The following SEZ6L variants were observed in gnomAD, a reference collection of about 807,000 sequenced individuals.
SEZ6L encodes the protein seizure related 6 homolog like.
SEZ6L carries 37 observed loss-of-function variants against 106.2 expected under a neutral mutation model. The ratio of observed to expected loss-of-function variants is 0.35; its 90% CI spans 0.27 to 0.46. The LOEUF (loss-of-function observed/expected upper bound fraction) is 0.46. Among genes scored for constraint, SEZ6L ranks in the 20% least tolerant of loss-of-function variants. The pLI is 1.00. For synonymous variants in SEZ6L, 541 were observed against 570.4 expected (o/e 0.95, Z 0.73); for missense variants, 1,172 against 1,332.8 (o/e 0.88, Z 1.88).
intron 6 of SEZ6L, among the ~76,000 whole-genome samples, chr22:26,307,006 A>T (rs565774311): frequency 1.3e-5 from 2 of 152,202 alleles, no homozygotes; most frequent in African/African-American, 4.8e-5. Context: ...AAGCACTAGG[A>T]GGCACATGGG....
chr22:26,240,429 G>A (rs1222319064), intron 1 of SEZ6L, among the ~76,000 whole-genome samples: 1 of 152,092 alleles, frequency 6.6e-6, no homozygotes, highest in African/African-American at 2.4e-5. Flanking sequence ...AGTCATTCCT[G>A]AGCCTCTGTC....
intron 9 of SEZ6L, 73 bp from the exon 10 acceptor site, chr22:26,340,363 A>G: frequency 7.0e-7 from 1 of 1,430,142 alleles, no homozygotes. Flanking sequence ...TATTGCCTGA[A>G]AAAGTTAATC....
chr22:26,179,751 C>A (rs1036795655), intron 1 of SEZ6L, among the ~76,000 whole-genome samples: 1 of 152,174 alleles, frequency 6.6e-6, no homozygotes. Flanking sequence ...CTTCTCCCCA[C>A]GCATCTGTTC....
chr22:26,357,893 C>T (rs2083489849), intron 12 of SEZ6L, among the ~76,000 whole-genome samples: 2 of 152,172 alleles, frequency 1.3e-5, no homozygotes. Flanking sequence ...AAGAATCTGA[C>T]AAATCCGGCA....
intron 9 of SEZ6L, among the ~76,000 whole-genome samples, chr22:26,332,036 C>T (rs1289699228): frequency 2.0e-5 from 3 of 151,820 alleles, no homozygotes; most frequent in African/African-American, 4.8e-5. Context: ...ATACAAAAAT[C>T]ACAGCTATAT....
chr22:26,301,312 C>T (rs1213676201), intron 5 of SEZ6L, among the ~76,000 whole-genome samples: 1 of 152,210 alleles, frequency 6.6e-6, no homozygotes, highest in Non-Finnish European at 1.5e-5. Context: ...TCATTCAGAG[C>T]CTTTCCTATC....
intron 1 of SEZ6L, among the ~76,000 whole-genome samples, chr22:26,226,577 A>G (rs543564731): frequency 5.9e-5 from 9 of 151,950 alleles, no homozygotes; most frequent in South Asian, 2.1e-4. Context: ...GTGTATATGT[A>G]TGTGTGTGTG....
chr22:26,312,182 A>G (rs1173934698), intron 8 of SEZ6L, among the ~76,000 whole-genome samples: 1 of 152,214 alleles, frequency 6.6e-6, no homozygotes, highest in Non-Finnish European at 1.5e-5. Flanking sequence ...TCTTCCAGGC[A>G]TAGGTCCCAC....
chr22:26,292,371 C>T (rs780193768), intron 1 of SEZ6L, 35 bp from the exon 2 acceptor site: 14 of 1,549,228 alleles, frequency 9.0e-6, no homozygotes, highest in Admixed American at 1.7e-5. Context: ...CCTAAATCTC[C>T]CCAAACTAAC....
At chr22:26,229,512 A>G (rs149363519) in intron 1 of SEZ6L, among the ~76,000 whole-genome samples, 19 of 152,342 alleles carry the variant, frequency 1.2e-4, no homozygotes, top group African/African-American at 4.3e-4. Flanking sequence ...CCCATTGCCA[A>G]TAGGGATTTT....
chr22:26,324,797 G>C (rs75353315), intron 9 of SEZ6L, among the ~76,000 whole-genome samples: 2,198 of 152,294 alleles, frequency 0.014, 22 homozygotes, highest in Non-Finnish European at 0.021. Flanking sequence ...AGGAAACTGA[G>C]GCCCAGAGAT....
chr22:26,378,146 G>A (rs1303519665), intron 16 of SEZ6L, among the ~76,000 whole-genome samples: 3 of 152,138 alleles, frequency 2.0e-5, no homozygotes, highest in Non-Finnish European at 2.9e-5. Flanking sequence ...ACACATTTGA[G>A]TATCAGGTCC....
chr22:26,290,517 G>A (rs1306879637), intron 1 of SEZ6L, among the ~76,000 whole-genome samples: 1 of 152,134 alleles, frequency 6.6e-6, no homozygotes, highest in Non-Finnish European at 1.5e-5. Context: ...GGGCGACAGA[G>A]TGAGACTCCG....
chr22:26,305,444 A>G (rs1358856037), intron 5 of SEZ6L, among the ~76,000 whole-genome samples: 1 of 152,230 alleles, frequency 6.6e-6, no homozygotes, highest in Non-Finnish European at 1.5e-5. Flanking sequence ...AGCATTTCCC[A>G]TCACCCTTAC....
At chr22:26,305,910 C>T in intron 5 of SEZ6L, 69 bp from the exon 6 acceptor site, 8 of 1,431,592 alleles carry the variant, frequency 5.6e-6, no homozygotes, top group African/African-American at 1.4e-5. Context: ...CTCTCTTTCT[C>T]TCTGTCTCTC....
chr22:26,347,847 G>A lies in SEZ6L; in HGVS notation c.2341G>A (p.Gly781Arg). 6.2e-7 allele frequency: 1 copy of A among 1,604,520 alleles called. No homozygotes were observed. Among genetic ancestry groups the A allele is most frequent in the Non-Finnish European group, 8.5e-7 (1 of 1,177,034 alleles). Residue 781 changes from glycine (G) to arginine (R), a missense_variant, in exon 11 of 17, where the codon GGG becomes AGG. Physicochemically the swap from Gly to Arg is moderately radical, Grantham distance 125 (BLOSUM62 -2). Transcript: ENST00000248933. ...GTGTGACCCCGGCTATGACATCGTG[G>A]GGAGTGACACCCTCACCTGCCAGTG... The part of the protein sequence containing the change: ...YQCDPGYDIV[G>R]SDTLTCQWDL...
chr22:26,307,627 T>C (rs2081675263), intron 6 of SEZ6L, among the ~76,000 whole-genome samples: 1 of 152,164 alleles, frequency 6.6e-6, no homozygotes, highest in Non-Finnish European at 1.5e-5. Flanking sequence ...CGAACGTGGC[T>C]TTTTAGCAGC....
intron 1 of SEZ6L, among the ~76,000 whole-genome samples, chr22:26,242,319 C>T (rs1179191237): frequency 1.3e-5 from 2 of 152,240 alleles, no homozygotes; most frequent in Non-Finnish European, 2.9e-5. Context: ...GGGCCAGGCT[C>T]ATTCTGTATG....
Position 26,377,906 on chromosome 22 carries a change from A to G in SEZ6L, c.3045+131A>G. The G allele has an allele frequency of 1.1e-5, 7 of 643,480 alleles. No individual in the cohort carries two copies. The Admixed American group carries it at 1.6e-4, about 14-fold the overall frequency. The allele number at this position is 643,480 out of a possible 1,614,324, so 39.9% of individuals were successfully genotyped here. Reference sequence around the variant, plus strand: ...CCAGTGGTCCTGTCTTATCCCCACCAAGAGCCCTAAAGAGATAAATGCTGG... The same window carrying G: ...CCAGTGGTCCTGTCTTATCCCCACCGAGAGCCCTAAAGAGATAAATGCTGG... On this transcript the variant is annotated intron_variant, in intron 16 of 16. Transcript: ENST00000248933.
Sources: gnomAD v4.1 joint callset for allele counts (sites outside exome capture counted in the v4.1 genomes callset) on GRCh38, gnomAD v4.1.1 for gene constraint, MANE v1.5 for transcripts, NCBI Gene and HGNC (gene_info 2026-07-23, HGNC 2026-07-21) for gene names.